The following ASNS variants were observed in gnomAD, a reference collection of about 807,000 sequenced individuals.
The protein encoded by ASNS is asparagine synthetase (glutamine-hydrolyzing), also known as asparagine synthetase [glutamine-hydrolyzing].
In ASNS, 37 loss-of-function variants were observed where a neutral mutation model predicts 62.6. That is an observed-to-expected ratio of 0.59 (90% CI 0.45 to 0.78). The LOEUF (loss-of-function observed/expected upper bound fraction) is 0.78, where lower values mean the gene tolerates loss of function less well. Ranked by LOEUF, ASNS falls within the 30% of genes least tolerant of loss-of-function variation. The pLI, the probability that ASNS is intolerant of heterozygous loss-of-function variation, is 0.00. For missense variants in ASNS, 520 were observed against 682.4 expected, an observed-to-expected ratio of 0.76 and a Z score of 2.65; for synonymous variants, 207 against 237.9, an observed-to-expected ratio of 0.87 and a Z score of 1.19.
At chr7:97,875,524 G>T (rs1047734494), upstream of ASNS, among the ~76,000 whole-genome samples, 2 of 152,196 alleles carry the variant, frequency 1.3e-5, no homozygotes, top group African/African-American at 4.8e-5. Context: ...TTCACTCAGG[G>T]ATCCAGGCTG....
the ASNS span, among the ~76,000 whole-genome samples, chr7:97,878,926 A>G: frequency 1.3e-5 from 2 of 152,172 alleles, no homozygotes; most frequent in African/African-American, 2.4e-5. Context: ...AAAACAGCAT[A>G]GTACTGGTAC....
In ASNS at chr7:97,853,332, A is replaced by G; in HGVS notation, c.1293T>C (p.Ser431=). The G allele has an allele frequency of 6.2e-7, 1 of 1,613,762 alleles. No homozygotes were observed. The highest frequency in any genetic ancestry group is 8.5e-7 in the Non-Finnish European group (1 of 1,179,940). The change falls in exon 11 of 13, where the codon TCT becomes TCC. Residue 431 remains serine, a synonymous_variant. Transcript: ENST00000394308. The part of the protein sequence containing the change: ...LDHRFSSYYL[S]LPPEMRIPKN... ...TTGGAATTCTCATTTCTGGTGGCAGAGACAAGTAATAGGAAGAAAATCGAT... is the reference window on the plus strand; with the variant it reads ...TTGGAATTCTCATTTCTGGTGGCAGGGACAAGTAATAGGAAGAAAATCGAT...
chr7:97,866,644 T>C (rs1791986786), intron 3 of ASNS, among the ~76,000 whole-genome samples: 1 of 152,246 alleles, frequency 6.6e-6, no homozygotes, highest in African/African-American at 2.4e-5. Flanking sequence ...AAATCCTAGA[T>C]AAGCTTAAAA....
upstream of ASNS, among the ~76,000 whole-genome samples, chr7:97,873,696 G>A (rs549758467): frequency 1.3e-5 from 2 of 152,290 alleles, no homozygotes; most frequent in East Asian, 1.9e-4. Context: ...GTAGAGAACT[G>A]AGTCATAATC....
At chr7:97,895,060 G>T in the ASNS span, among the ~76,000 whole-genome samples, 1 of 152,182 alleles carries the variant, frequency 6.6e-6, no homozygotes, top group Non-Finnish European at 1.5e-5. Context: ...TGCAAAGATG[G>T]CTCAACATAC....
intron 4 of ASNS, among the ~76,000 whole-genome samples, chr7:97,860,715 G>T (rs1187851803): frequency 6.6e-6 from 1 of 152,186 alleles, no homozygotes; most frequent in East Asian, 1.9e-4. Context: ...TGCTGCACAG[G>T]TAAGGGATAA....
At chr7:97,913,981 T>C in the ASNS span, among the ~76,000 whole-genome samples, 25 of 150,988 alleles carry the variant, frequency 1.7e-4, no homozygotes, top group African/African-American at 6.1e-4. Context: ...GGTAGGGGGA[T>C]AGATGGGTAG....
At chr7:97,854,897 G>T in intron 9 of ASNS, 1 of 685,676 alleles carries the variant, frequency 1.5e-6, no homozygotes. Context: ...ATGGGCAACA[G>T]TCATAATTCC....
chr7:97,853,553 A>G (rs1247443293), intron 10 of ASNS, among the ~76,000 whole-genome samples, 167 bp from the exon 11 acceptor site: 4 of 152,228 alleles, frequency 2.6e-5, no homozygotes, highest in Non-Finnish European at 5.9e-5. Context: ...GAATAGATAC[A>G]AAAAATAAAT....
the ASNS span, among the ~76,000 whole-genome samples, chr7:97,913,279 G>A: frequency 2.6e-5 from 4 of 152,072 alleles, no homozygotes; most frequent in African/African-American, 7.2e-5. Flanking sequence ...TTGCTAACTC[G>A]GTCACCTCCT....
At chr7:97,918,498 A>G in the ASNS span, among the ~76,000 whole-genome samples, 1 of 152,216 alleles carries the variant, frequency 6.6e-6, no homozygotes, top group East Asian at 1.9e-4. Flanking sequence ...AACTGCTGGG[A>G]GAAGAAGGTG....
At chr7:97,880,133 CTTT>C in the ASNS span, among the ~76,000 whole-genome samples, 12 of 146,684 alleles carry the variant, frequency 8.2e-5, no homozygotes, top group Non-Finnish European at 9.0e-5. Flanking sequence ...TCATCTCTGT[CTTT>C]TTTTTTTTTT....
intron 1 of ASNS, among the ~76,000 whole-genome samples, chr7:97,870,939 T>C (rs1220378991): frequency 2.6e-5 from 4 of 152,300 alleles, no homozygotes; most frequent in African/African-American, 9.6e-5. Context: ...CTATAACCTA[T>C]TATTTTTATT....
chr7:97,867,857 A>G (rs1178020995), intron 3 of ASNS, among the ~76,000 whole-genome samples: 4 of 152,234 alleles, frequency 2.6e-5, no homozygotes, highest in African/African-American at 9.6e-5. Context: ...TCCTATGAGC[A>G]GGCAACAAAC....
the ASNS span, among the ~76,000 whole-genome samples, chr7:97,904,847 A>G: frequency 6.6e-6 from 1 of 152,290 alleles, no homozygotes; most frequent in Admixed American, 6.5e-5. Flanking sequence ...TTTCTGTGAC[A>G]TTTTCTCTGT....
At chr7:97,889,927 C>CAAAAAAAAAAAAAAAAAAAAAAAAAAT in the ASNS span, among the ~76,000 whole-genome samples, 1 of 38,558 alleles carries the variant, frequency 2.6e-5, no homozygotes, top group Non-Finnish European at 4.3e-5. Flanking sequence ...ATAATGAATA[C>CAAAAAAAAAAAAAAAAAAAAAAAAAAT]AAAAAAAAAA....
intron 9 of ASNS, 81 bp from the exon 10 acceptor site, chr7:97,854,761 G>T (rs1046813191): frequency 6.3e-7 from 1 of 1,593,686 alleles, no homozygotes; most frequent in Non-Finnish European, 8.6e-7. Context: ...AATCCTAAAG[G>T]TGGATAAGAC....
chr7:97,927,948 A>C, the ASNS span: 1 of 626,952 alleles, frequency 1.6e-6, no homozygotes, highest in Non-Finnish European at 2.8e-6. Context: ...TGCTGCCTAA[A>C]TGTGTTCAGA....
rs1584471438 is a variant in ASNS, at chr7:97,864,448, T to G, written c.298A>C (p.Ile100Leu). 9.9e-6 allele frequency: 16 copies of G among 1,613,886 alleles called. No homozygotes were observed. In the East Asian group the frequency reaches 3.3e-4, roughly 34 times the overall value. The change falls in exon 4 of 13, where the codon ATA becomes CTA. Residue 100 changes from isoleucine to leucine, a missense_variant. Coordinates refer to ENST00000394308, the MANE Select transcript of ASNS (RefSeq NM_001673.5). ...CCTTTGTCATAAAGATGAAGGATTA[T>G]CTCACCATCCACTTTGGTCTGGTAT... ...FEYQTKVDGE[I>L]ILHLYDKGGI... is the part of the protein sequence containing the mutation.
Sources: gnomAD v4.1 joint callset for allele counts (sites outside exome capture counted in the v4.1 genomes callset) on GRCh38, gnomAD v4.1.1 for gene constraint, MANE v1.5 for transcripts, NCBI Gene and HGNC (gene_info 2026-07-23, HGNC 2026-07-21) for gene names.